PAPPA2: variants seen among roughly 807,000 people sequenced by gnomAD.
PAPPA2 encodes pappalysin 2.
PAPPA2 carries 86 observed loss-of-function variants against 176.4 expected under a neutral mutation model. That is an observed-to-expected ratio of 0.49 (90% CI 0.41 to 0.58). PAPPA2 has a LOEUF of 0.58. PAPPA2 is among the 20% of genes least tolerant of loss of function. The probability of loss-of-function intolerance (pLI) is 0.00; values close to 1 mark genes in which losing one functional copy is unlikely to be tolerated. For synonymous variants in PAPPA2, 809 were observed against 852.2 expected (o/e 0.95, Z 0.88); for missense variants, 2,073 against 2,256.9 (o/e 0.92, Z 1.65).
intron 3 of PAPPA2, among the ~76,000 whole-genome samples, chr1:176,620,972 A>T (rs1655561120): frequency 1.3e-5 from 2 of 152,182 alleles, no homozygotes; most frequent in African/African-American, 4.8e-5. Context: ...TGCCAGAGAT[A>T]CCAGCAAAGA....
intron 1 of PAPPA2, among the ~76,000 whole-genome samples, chr1:176,540,532 G>A (rs75051056): frequency 0.018 from 2,684 of 152,280 alleles, 37 homozygotes; most frequent in Non-Finnish European, 0.029. Context: ...AATCCAGAGC[G>A]GTGCTAGTAT....
chr1:176,588,514 T>G (rs1653461749), intron 2 of PAPPA2, among the ~76,000 whole-genome samples: 1 of 151,994 alleles, frequency 6.6e-6, no homozygotes, highest in South Asian at 2.1e-4. Context: ...GGTCTTAGGG[T>G]GTCAGTTGGG....
intron 3 of PAPPA2, among the ~76,000 whole-genome samples, chr1:176,600,414 C>T (rs1232759197): frequency 6.6e-6 from 1 of 152,010 alleles, no homozygotes; most frequent in Admixed American, 6.6e-5. Context: ...CGGTGGCTCA[C>T]GCCTGTAATC....
chr1:176,620,507 C>A (rs7524767), intron 3 of PAPPA2, among the ~76,000 whole-genome samples: 76,849 of 152,006 alleles, frequency 0.51, 21,288 homozygotes, highest in African/African-American at 0.74. Context: ...CTTTCTTAAT[C>A]AAGAACTAAT....
intron 3 of PAPPA2, among the ~76,000 whole-genome samples, chr1:176,644,107 A>G (rs117622282): frequency 1.3e-5 from 2 of 151,988 alleles, no homozygotes; most frequent in East Asian, 3.9e-4. Context: ...ATAAAAGGCA[A>G]GCAAAAATTA....
intron 7 of PAPPA2, among the ~76,000 whole-genome samples, chr1:176,697,044 G>A (rs1660419382): frequency 6.6e-6 from 1 of 152,162 alleles, no homozygotes; most frequent in African/African-American, 2.4e-5. Flanking sequence ...GCCATTTTGT[G>A]TGTGTGTGGC....
intron 1 of PAPPA2, among the ~76,000 whole-genome samples, chr1:176,551,903 A>G (rs1328702143): frequency 6.6e-6 from 1 of 152,172 alleles, no homozygotes; most frequent in Non-Finnish European, 1.5e-5. Flanking sequence ...AAGAAGGTGG[A>G]GGTGGAAGTT....
intron 1 of PAPPA2, among the ~76,000 whole-genome samples, chr1:176,541,060 G>A (rs941936204): frequency 1.2e-4 from 19 of 152,168 alleles, no homozygotes; most frequent in African/African-American, 4.1e-4. Flanking sequence ...TTTCAGTAAT[G>A]GGAGCTCAAT....
chr1:176,638,136 G>A (rs2102721061), intron 3 of PAPPA2, among the ~76,000 whole-genome samples: 1 of 152,156 alleles, frequency 6.6e-6, no homozygotes, highest in South Asian at 2.1e-4. Flanking sequence ...AATAGTGAAG[G>A]TTGACTCTAC....
intron 21 of PAPPA2, among the ~76,000 whole-genome samples, chr1:176,832,641 C>T (rs1381216026): frequency 6.6e-6 from 1 of 152,226 alleles, no homozygotes; most frequent in Non-Finnish European, 1.5e-5. Context: ...GCGTGAGTCA[C>T]TGCACCCGGC....
chr1:176,734,890 A>T (rs933139728), intron 12 of PAPPA2, among the ~76,000 whole-genome samples: 2 of 152,202 alleles, frequency 1.3e-5, no homozygotes, highest in African/African-American at 4.8e-5. Flanking sequence ...AAAATTGTGT[A>T]AAGCTTTTAT....
chr1:176,559,530 A>G (rs778463308), intron 2 of PAPPA2, among the ~76,000 whole-genome samples: 1 of 152,318 alleles, frequency 6.6e-6, no homozygotes, highest in Admixed American at 6.5e-5. Context: ...TTAGCTGCTT[A>G]CACTTCACCT....
intron 4 of PAPPA2, among the ~76,000 whole-genome samples, chr1:176,681,148 C>G (rs892305334): frequency 2.6e-5 from 4 of 152,094 alleles, no homozygotes; most frequent in Non-Finnish European, 5.9e-5. Context: ...GAGAAAGTCC[C>G]CTGGGGTCCA....
intron 17 of PAPPA2, among the ~76,000 whole-genome samples, chr1:176,775,443 A>T (rs1664414936): frequency 6.6e-6 from 1 of 152,196 alleles, no homozygotes; most frequent in African/African-American, 2.4e-5. Context: ...TCTAACAATT[A>T]TCTCAACAAC....
At chr1:176,581,141 G>A (rs2102628386) in intron 2 of PAPPA2, among the ~76,000 whole-genome samples, 1 of 152,126 alleles carries the variant, frequency 6.6e-6, no homozygotes, top group African/African-American at 2.4e-5. Flanking sequence ...TTTTTTAATA[G>A]GGTGAGAGGT....
intron 2 of PAPPA2, among the ~76,000 whole-genome samples, chr1:176,582,117 C>T (rs1254331904): frequency 6.6e-6 from 1 of 151,540 alleles, no homozygotes; most frequent in Non-Finnish European, 1.5e-5. Context: ...TTAGTAGAGA[C>T]GGGGTTTTAC....
At chr1:176,518,679 C>A (rs2294648) in intron 1 of PAPPA2, among the ~76,000 whole-genome samples, 16,603 of 152,028 alleles carry the variant, frequency 0.11, 962 homozygotes, top group Middle Eastern at 0.2. Context: ...TAGCATATTC[C>A]TGAACATGAG....
chr1:176,594,107 C>T (rs1164440848), intron 2 of PAPPA2, among the ~76,000 whole-genome samples: 3 of 152,118 alleles, frequency 2.0e-5, no homozygotes, highest in Admixed American at 1.3e-4. Context: ...CTGTCATTTG[C>T]AAAAAGTATG....
At chr1:176,593,755 T>C (rs1653793926) in intron 2 of PAPPA2, among the ~76,000 whole-genome samples, 1 of 152,206 alleles carries the variant, frequency 6.6e-6, no homozygotes, top group Non-Finnish European at 1.5e-5. Context: ...AGGCAGGTAG[T>C]GTATGATAAG....
Sources: allele counts gnomAD v4.1 joint callset (sites outside exome capture counted in the v4.1 genomes callset), GRCh38; gene constraint gnomAD v4.1.1; transcripts MANE v1.5; gene names NCBI Gene and HGNC (gene_info 2026-07-23, HGNC 2026-07-21).